Variants in EXOC6 observed in about 807,000 individuals in gnomAD.
EXOC6 encodes exocyst complex component 6, also known as SEC15-like 1.
EXOC6 carries 60 observed loss-of-function variants against 112.5 expected under a neutral mutation model. The ratio of observed to expected loss-of-function variants is 0.53; its 90% CI spans 0.43 to 0.66. The LOEUF is 0.66. Among genes scored for constraint, EXOC6 ranks in the 30% least tolerant of loss-of-function variants. The pLI is 0.00. For missense variants in EXOC6, 855 were observed against 957.1 expected, an observed-to-expected ratio of 0.89 and a Z score of 1.41; for synonymous variants, 295 against 308.0, an observed-to-expected ratio of 0.96 and a Z score of 0.44.
At chr10:92,890,721 A>G (rs1219082417) in intron 1 of EXOC6, among the ~76,000 whole-genome samples, 4 of 151,772 alleles carry the variant, frequency 2.6e-5, no homozygotes, top group Non-Finnish European at 5.9e-5. Context: ...CATAGATGGG[A>G]ATATGCCTGT....
chr10:93,010,614 G>C (rs896757261), intron 19 of EXOC6, among the ~76,000 whole-genome samples: 5 of 150,498 alleles, frequency 3.3e-5, no homozygotes, highest in Admixed American at 6.6e-5. Flanking sequence ...CATGAGAAAC[G>C]CTTGAACCTG....
intron 13 of EXOC6, among the ~76,000 whole-genome samples, chr10:92,946,343 G>A (rs965524691): frequency 6.6e-6 from 1 of 151,476 alleles, no homozygotes; most frequent in Non-Finnish European, 1.5e-5. Context: ...GCAGTGAGCC[G>A]AAATTGCACC....
chr10:93,000,243 T>C (rs1843698262), intron 19 of EXOC6, among the ~76,000 whole-genome samples: 1 of 152,100 alleles, frequency 6.6e-6, no homozygotes, highest in East Asian at 1.9e-4. Context: ...AATTTATTGC[T>C]CAAAGATGGA....
rs559543267 is a variant in EXOC6, at chr10:92,934,804, A to G, written c.1140+374A>G. Among the ~76,000 whole-genome samples, 47 of 152,260 alleles carry G rather than the reference A, an allele frequency of 3.1e-4. 1 individual carries two copies. The highest frequency in any genetic ancestry group is 6.8e-3 in the Middle Eastern group (2 of 294). On this transcript the variant is annotated intron_variant, in intron 11 of 21. Transcript: ENST00000260762. The stretch of plus-strand genomic sequence containing the variant: ...AAAACTCAGTAGAACTTGTTCTTCA[A>G]TGTTTACAATTTACAGTAATACACT...
chr10:92,985,837 A>G (rs929071158), intron 18 of EXOC6, among the ~76,000 whole-genome samples: 2 of 152,300 alleles, frequency 1.3e-5, no homozygotes, highest in East Asian at 1.9e-4. Flanking sequence ...CAGTACAATC[A>G]TGGCTTTAAT....
chr10:92,964,514 CTT>C (rs1362529661), intron 17 of EXOC6, among the ~76,000 whole-genome samples: 3 of 151,776 alleles, frequency 2.0e-5, no homozygotes, highest in Non-Finnish European at 4.4e-5. Context: ...ATAGCTCTAA[CTT>C]TATCTATTGC....
intron 1 of EXOC6, among the ~76,000 whole-genome samples, chr10:92,865,590 C>T (rs1458071043): frequency 3.9e-5 from 6 of 152,010 alleles, no homozygotes; most frequent in African/African-American, 9.6e-5. Context: ...TACAGGTGTA[C>T]GCCACCACAC....
At chr10:92,842,853 A>C (rs1021578758) in intron 1 of EXOC6, among the ~76,000 whole-genome samples, 7 of 152,150 alleles carry the variant, frequency 4.6e-5, no homozygotes, top group Non-Finnish European at 7.4e-5. Flanking sequence ...GGTTGGCAAC[A>C]TAATTTGTGG....
chr10:92,877,206 T>C lies in EXOC6; in HGVS notation c.102-16143T>C, dbSNP rs192733568. ...TGCCATAATAATCAGACAGATACTG[T>C]GGAAATCAGCAATGAATGTATTACT... On this transcript the variant is annotated intron_variant, in intron 1 of 21. Transcript: ENST00000260762. Among the ~76,000 whole-genome samples, 8 of 152,296 alleles carry C rather than the reference T, an allele frequency of 5.3e-5. No individual in the cohort carries two copies. The East Asian group carries it at 1.5e-3, about 29-fold the overall frequency.
At chr10:93,049,233 A>G (rs923842792) in intron 20 of EXOC6, among the ~76,000 whole-genome samples, 7 of 151,806 alleles carry the variant, frequency 4.6e-5, no homozygotes, top group Admixed American at 2.6e-4. Context: ...AATTTTTTAT[A>G]TATTTTTTTA....
At chr10:92,955,388 GTATA>G (rs199547769) in intron 16 of EXOC6, among the ~76,000 whole-genome samples, 188 bp from the exon 17 acceptor site, 1 of 147,650 alleles carries the variant, frequency 6.8e-6, no homozygotes, top group Non-Finnish European at 1.5e-5. Context: ...GTGTGTGTGT[GTATA>G]TATATATATA....
At chr10:92,858,996 C>T (rs545212164) in intron 1 of EXOC6, among the ~76,000 whole-genome samples, 28 of 152,272 alleles carry the variant, frequency 1.8e-4, no homozygotes, top group African/African-American at 6.5e-4. Context: ...AACTCCTGAC[C>T]TCAGGTGATC....
upstream of EXOC6, among the ~76,000 whole-genome samples, chr10:92,846,515 A>AC (rs961634242): frequency 2.0e-5 from 3 of 152,292 alleles, no homozygotes; most frequent in African/African-American, 7.2e-5. Context: ...GGGGAAAATA[A>AC]CCTTTTGAAA....
chr10:93,001,287 T>G (rs964939719), intron 19 of EXOC6, among the ~76,000 whole-genome samples: 1 of 152,108 alleles, frequency 6.6e-6, no homozygotes, highest in Admixed American at 6.5e-5. Context: ...AACATAGATA[T>G]GCTCACACAC....
intron 17 of EXOC6, among the ~76,000 whole-genome samples, chr10:92,964,035 A>G (rs1000101169): frequency 6.6e-6 from 1 of 151,924 alleles, no homozygotes. Flanking sequence ...ATATATAATG[A>G]AAAAACCTGA....
At chr10:92,948,144 T>C (rs1853150244) in intron 13 of EXOC6, 130 bp from the exon 14 acceptor site, 1 of 542,136 alleles carries the variant, frequency 1.8e-6, no homozygotes, top group East Asian at 3.3e-5. Context: ...GGCAGTATCT[T>C]CCTGTTTGGA....
At chr10:93,024,106 G>C (rs1040611729) in intron 20 of EXOC6, among the ~76,000 whole-genome samples, 6 of 152,138 alleles carry the variant, frequency 3.9e-5, no homozygotes, top group Non-Finnish European at 7.4e-5. Flanking sequence ...CTCTTTAACT[G>C]ATCCTGTTGC....
At chr10:92,991,342 A>G (rs567520244) in intron 18 of EXOC6, among the ~76,000 whole-genome samples, 5 of 151,780 alleles carry the variant, frequency 3.3e-5, no homozygotes, top group South Asian at 4.2e-4. Flanking sequence ...AGGCTGAGGC[A>G]TAAGAATCGC....
intron 18 of EXOC6, among the ~76,000 whole-genome samples, chr10:92,980,083 C>T (rs1016398112): frequency 3.9e-5 from 6 of 152,056 alleles, no homozygotes; most frequent in African/African-American, 1.5e-4. Context: ...TTAAGCTTCC[C>T]TGCTAAATAT....
Sources: allele counts gnomAD v4.1 joint callset (sites outside exome capture counted in the v4.1 genomes callset), GRCh38; gene constraint gnomAD v4.1.1; transcripts MANE v1.5; gene names NCBI Gene and HGNC (gene_info 2026-07-23, HGNC 2026-07-21).